Variants in PCDHGB3 observed in about 807,000 individuals in gnomAD.
The protein encoded by PCDHGB3 is protocadherin gamma subfamily B, 3.
In PCDHGB3, 40 loss-of-function variants were observed where a neutral mutation model predicts 59.2. That is an observed-to-expected ratio of 0.68 (90% confidence interval 0.52 to 0.88). PCDHGB3 has a LOEUF of 0.88. PCDHGB3 is among the 40% of genes least tolerant of loss of function. The pLI, the probability that PCDHGB3 is intolerant of heterozygous loss-of-function variation, is 0.00. For synonymous variants in PCDHGB3, 581 were observed against 503.6 expected, an observed-to-expected ratio of 1.15 and a Z score of -2.06; for missense variants, 1,309 against 1,187.9, an observed-to-expected ratio of 1.10 and a Z score of -1.50.
Position 141,392,773 on chromosome 5 carries a change from G to A in PCDHGB3, c.2415+19964G>A, listed in dbSNP as rs767754110. Reference sequence around the variant, plus strand: ...AAGAAACTAAATAAGACCCATTTATGCACAGTGAAGATTCTGAGAGGATTC... The same window carrying A: ...AAGAAACTAAATAAGACCCATTTATACACAGTGAAGATTCTGAGAGGATTC... On this transcript the variant is annotated intron_variant, in intron 1 of 3. Transcript: ENST00000576222. 4 of 1,518,312 alleles carry A rather than the reference G, an allele frequency of 2.6e-6. No homozygotes were observed. In the African/African-American group the frequency reaches 5.6e-5, roughly 21 times the overall value. The allele number at this position is 1,518,312 out of a possible 1,614,324, so 94.1% of individuals were successfully genotyped here.
intron 1 of PCDHGB3, chr5:141,390,426 T>C: frequency 9.8e-7 from 1 of 1,021,884 alleles, no homozygotes; most frequent in Non-Finnish European, 1.4e-6. Flanking sequence ...TAAAAAGCTG[T>C]CATATCATTC....
chr5:141,376,427 C>T (rs1772674192), intron 1 of PCDHGB3: 1 of 1,614,104 alleles, frequency 6.2e-7, no homozygotes, highest in Non-Finnish European at 8.5e-7. Context: ...GCTTATCAAC[C>T]AGGAGAGCTA....
chr5:141,478,454 A>T, intron 1 of PCDHGB3: 1 of 1,613,596 alleles, frequency 6.2e-7, no homozygotes. Flanking sequence ...TGGTGCAGCC[A>T]GTCCACTGGC....
Position 141,389,309 on chromosome 5 carries a change from T to G in PCDHGB3, c.2415+16500T>G, listed in dbSNP as rs763262842. Reference sequence around the variant, plus strand: ...CCTCTATTTCACAAGTCAGGGCTTCTGATCCGGACTTGGGGCCCAACGGCC... The same window carrying G: ...CCTCTATTTCACAAGTCAGGGCTTCGGATCCGGACTTGGGGCCCAACGGCC... On this transcript the variant is annotated intron_variant, in intron 1 of 3. Transcript: ENST00000576222. 8 of 1,614,018 alleles carry G rather than the reference T, an allele frequency of 5.0e-6. No individual in the cohort carries two copies. The South Asian group carries it at 5.5e-5, about 11-fold the overall frequency.
At position 141,489,078 on chromosome 5, in the gene PCDHGB3, G is replaced by A. The variant is rs990356560; in HGVS notation, c.2416-5729G>A. ...GCTCCCCTCCCCCCTGCCCACCCCC[G>A]CCACTCGGTGACTAAGAACTGCTGC... On this transcript the variant is annotated intron_variant, in intron 1 of 3. Transcript: ENST00000576222. The surrounding 1 kb of genome is among the most constrained non-coding windows in gnomAD (Gnocchi z 4.5). 6.9e-5 allele frequency: 11 copies of A among 160,224 alleles called. 1 individual carries two copies. Among genetic ancestry groups the A allele is most frequent in the Admixed American group, 3.7e-4 (4 of 10,708 alleles). The allele number at this position is 160,224 out of a possible 1,614,324, so 9.9% of individuals were successfully genotyped here.
At chr5:141,502,483 G>A (rs773081419) in intron 2 of PCDHGB3, among the ~76,000 whole-genome samples, 42 of 152,144 alleles carry the variant, frequency 2.8e-4, no homozygotes, top group Non-Finnish European at 4.7e-4. Context: ...GCATCACACT[G>A]GGACTCATCT....
intron 1 of PCDHGB3, chr5:141,411,443 G>A (rs780563062): frequency 6.6e-6 from 1 of 151,948 alleles, no homozygotes; most frequent in African/African-American, 2.4e-5. Context: ...CATTAGCAGA[G>A]TGTGGTAGCA....
intron 1 of PCDHGB3, among the ~76,000 whole-genome samples, chr5:141,469,821 G>A (rs2099212107): frequency 6.6e-6 from 1 of 152,028 alleles, no homozygotes; most frequent in Admixed American, 6.6e-5. Flanking sequence ...TAGAATGGAG[G>A]TCACATAAAA....
chr5:141,409,491 C>T (rs747701093), intron 1 of PCDHGB3: 3 of 1,613,994 alleles, frequency 1.9e-6, no homozygotes, highest in East Asian at 2.2e-5. Flanking sequence ...AGGGGCAAGC[C>T]GCCTCTTTCT....
At chr5:141,390,008 C>G in intron 1 of PCDHGB3, 1 of 1,614,038 alleles carries the variant, frequency 6.2e-7, no homozygotes, top group South Asian at 1.1e-5. Context: ...TGATTCTGGC[C>G]ATTGCCTTGC....
chr5:141,422,780 T>C, intron 1 of PCDHGB3: 2 of 1,614,140 alleles, frequency 1.2e-6, no homozygotes, highest in Non-Finnish European at 1.7e-6. Context: ...CTCTATGCCC[T>C]ACAATCCTTC....
In PCDHGB3 at chr5:141,431,819, A is replaced by C. The variant is rs2097420237; in HGVS notation, c.2415+59010A>C. On this transcript the variant is annotated intron_variant, in intron 1 of 3. Transcript: ENST00000576222. The surrounding 1 kb of genome is among the most constrained non-coding windows in gnomAD (Gnocchi z 4.8). ...AGAAGTGGTCCTCACCTCTCTCGCC[A>C]GCTCGGTTCCCGAAAACTCTCCCAG... 6.2e-7 allele frequency: 1 copy of C among 1,614,154 alleles called. No individual in the cohort carries two copies. Among genetic ancestry groups the C allele is most frequent in the Admixed American group, 1.7e-5 (1 of 60,018 alleles).
At chr5:141,375,200 G>A (rs755732164) in intron 1 of PCDHGB3, 3 of 1,613,940 alleles carry the variant, frequency 1.9e-6, no homozygotes, top group South Asian at 1.1e-5. Context: ...TCAAGTGTTC[G>A]ATCGAGACTC....
At chr5:141,419,529 A>G (rs2096395609) in intron 1 of PCDHGB3, 2 of 1,612,082 alleles carry the variant, frequency 1.2e-6, no homozygotes, top group Non-Finnish European at 1.7e-6. Context: ...GACCGTAACG[A>G]CAACGCACCG....
At chr5:141,500,728 T>C (rs556463739) in intron 2 of PCDHGB3, among the ~76,000 whole-genome samples, 1 of 152,310 alleles carries the variant, frequency 6.6e-6, no homozygotes, top group South Asian at 2.1e-4. Context: ...CCCATGTCTT[T>C]CAAAATTCTT....
Position 141,486,534 on chromosome 5 carries a change from C to G in PCDHGB3, c.2416-8273C>G. The stretch of plus-strand genomic sequence containing the variant: ...TCAGATGTGAATGATAATCCACCCT[C>G]TTTCTTTCAGAGGTCACATGAGGTG... On this transcript the variant is annotated intron_variant, in intron 1 of 3. Transcript: ENST00000576222. The surrounding 1 kb of genome is among the most constrained non-coding windows in gnomAD (Gnocchi z 5.0). 1 of 1,614,176 alleles carries G rather than the reference C, an allele frequency of 6.2e-7. No individual in the cohort carries two copies. Among genetic ancestry groups the G allele is most frequent in the Non-Finnish European group, 8.5e-7 (1 of 1,180,030 alleles).
intron 1 of PCDHGB3, chr5:141,390,367 T>C (rs2092130153): frequency 6.6e-7 from 1 of 1,518,766 alleles, no homozygotes; most frequent in African/African-American, 1.4e-5. Flanking sequence ...TGCAGGAAAA[T>C]ATATAATTTT....
intron 1 of PCDHGB3, among the ~76,000 whole-genome samples, chr5:141,464,155 C>T (rs2099076990): frequency 1.3e-5 from 2 of 151,614 alleles, no homozygotes; most frequent in African/African-American, 4.8e-5. Flanking sequence ...GTCCCAGCTA[C>T]TTGGAAGGCT....
chr5:141,455,037 C>T (rs1251627513), intron 1 of PCDHGB3, among the ~76,000 whole-genome samples: 1 of 151,744 alleles, frequency 6.6e-6, no homozygotes, highest in Non-Finnish European at 1.5e-5. Flanking sequence ...TGGTCTCGAT[C>T]TCCTGACCTC....
Sources: gnomAD v4.1 joint callset for allele counts (sites outside exome capture counted in the v4.1 genomes callset) on GRCh38, gnomAD v4.1.1 for gene constraint, Gnocchi (gnomAD v3.1) non-coding constraint, MANE v1.5 for transcripts, NCBI Gene and HGNC (gene_info 2026-07-23, HGNC 2026-07-21) for gene names.